The following RBPJ variants were observed in gnomAD, a reference collection of about 807,000 sequenced individuals.
RBPJ encodes recombination signal binding protein for immunoglobulin kappa J region, also known as recombining binding protein suppressor of hairless.
In RBPJ, 9 loss-of-function variants were observed where a neutral mutation model predicts 67.8. That is an observed-to-expected ratio of 0.13 (90% CI 0.08 to 0.23). RBPJ has a LOEUF of 0.23. RBPJ is among the 10% of genes least tolerant of loss of function. The probability of loss-of-function intolerance (pLI) is 1.00; values close to 1 mark genes in which losing one functional copy is unlikely to be tolerated. For synonymous variants in RBPJ, 198 were observed against 203.3 expected (o/e 0.97, Z 0.22); for missense variants, 305 against 595.6 (o/e 0.51, Z 5.08).
intron 1 of RBPJ, among the ~76,000 whole-genome samples, chr4:26,165,113 T>C (rs1371420083): frequency 6.6e-6 from 1 of 152,106 alleles, no homozygotes; most frequent in Non-Finnish European, 1.5e-5. Flanking sequence ...CTGCTCTTTA[T>C]TATGCAAAAA....
chr4:26,264,666 G>A lies in RBPJ; in HGVS notation c.-166-97780G>A, dbSNP rs529888536. The stretch of plus-strand genomic sequence containing the variant: ...TAGCCACACTGAAACACTGGCACTC[G>A]TCCCAAAAGCACCATGCCCTTGACC... On this transcript the variant is annotated intron_variant, in intron 1 of 4. Coordinates refer to the RBPJ transcript ENST00000512351. The surrounding 1 kb of genome is among the most constrained non-coding windows in gnomAD (Gnocchi z 4.1). 6.6e-6 allele frequency among the ~76,000 whole-genome samples: 1 copy of A among 152,020 alleles called. No homozygotes were observed. Among genetic ancestry groups the A allele is most frequent in the Non-Finnish European group, 1.5e-5 (1 of 67,992 alleles).
intron 2 of RBPJ, among the ~76,000 whole-genome samples, chr4:26,394,210 G>A (rs1355833707): frequency 6.6e-6 from 1 of 151,950 alleles, no homozygotes; most frequent in African/African-American, 2.4e-5. Context: ...TGTATTTTTA[G>A]TAGAGACGGG....
intron 1 of RBPJ, among the ~76,000 whole-genome samples, chr4:26,376,397 G>A (rs1577558077): frequency 6.6e-6 from 1 of 152,216 alleles, no homozygotes; most frequent in African/African-American, 2.4e-5. Flanking sequence ...TTTTGTGTTT[G>A]GCTTATTTCG....
the RBPJ span, among the ~76,000 whole-genome samples, chr4:26,156,656 T>C: frequency 7.7e-3 from 1,170 of 151,912 alleles, 20 homozygotes; most frequent in African/African-American, 0.026. Flanking sequence ...GGTTTCACTA[T>C]GTTGGCCAGG....
At chr4:26,116,196 A>C in the RBPJ span, among the ~76,000 whole-genome samples, 1 of 152,272 alleles carries the variant, frequency 6.6e-6, no homozygotes, top group African/African-American at 2.4e-5. Context: ...AGCAGCTAAC[A>C]GAGTGACTCA....
chr4:26,307,477 T>G (rs985246147), intron 1 of RBPJ, among the ~76,000 whole-genome samples: 4 of 152,234 alleles, frequency 2.6e-5, no homozygotes, highest in Admixed American at 1.3e-4. Flanking sequence ...ATCATGCAAA[T>G]ACAGATATAG....
upstream of RBPJ, among the ~76,000 whole-genome samples, chr4:26,320,381 C>T (rs577213422): frequency 2.0e-5 from 3 of 152,266 alleles, no homozygotes; most frequent in South Asian, 2.1e-4. Flanking sequence ...AGGGCCTCCT[C>T]ATTAGCATGG....
the RBPJ span, among the ~76,000 whole-genome samples, chr4:26,124,055 G>A: frequency 6.6e-6 from 1 of 151,992 alleles, no homozygotes; most frequent in South Asian, 2.1e-4. Flanking sequence ...GTATGTGCTA[G>A]ATTTTTTATT....
intron 1 of RBPJ, among the ~76,000 whole-genome samples, chr4:26,222,358 G>C (rs1255911285): frequency 6.6e-6 from 1 of 151,892 alleles, no homozygotes; most frequent in Non-Finnish European, 1.5e-5. Context: ...AGTTGGGCGT[G>C]GTGGCGGCCG....
intron 2 of RBPJ, among the ~76,000 whole-genome samples, chr4:26,401,436 A>T (rs1194758785): frequency 6.6e-6 from 1 of 152,362 alleles, no homozygotes; most frequent in South Asian, 2.1e-4. Flanking sequence ...CCTCAAGGTC[A>T]TTGGTTATGT....
At chr4:26,363,384 T>G (rs933805547) in intron 1 of RBPJ, among the ~76,000 whole-genome samples, 1 of 152,128 alleles carries the variant, frequency 6.6e-6, no homozygotes, top group African/African-American at 2.4e-5. Context: ...GTGATCCACC[T>G]GCTTCGGCCT....
rs61575988 is a variant in RBPJ at position 26,407,883 on chromosome 4, C to CTT, written c.155+1641_155+1642dup. ...TGAAAAGAGGGGTAAAGCTTTCTTT[C>CTT]TTTTTTTTTTTTTTTTTTTTTTTTT... On this transcript the variant is annotated intron_variant, in intron 3 of 10. Coordinates refer to ENST00000355476, the MANE Select transcript of RBPJ (RefSeq NM_015874.6). 6.8e-3 allele frequency among the ~76,000 whole-genome samples: 433 copies of CTT among 63,622 alleles called. 54 individuals are homozygous for CTT. Among genetic ancestry groups the CTT allele is most frequent in the African/African-American group, 0.026 (391 of 15,124 alleles). 41.7% of individuals were successfully genotyped at this position (63,622 alleles called of 152,430 possible). A position where few individuals can be genotyped will look rare whatever the true frequency, so the allele number is the denominator to read the frequency against.
At chr4:26,301,091 G>A (rs1278659415) in intron 1 of RBPJ, among the ~76,000 whole-genome samples, 1 of 152,152 alleles carries the variant, frequency 6.6e-6, no homozygotes, top group Non-Finnish European at 1.5e-5. Flanking sequence ...TTTGTGCCAG[G>A]CATTTTGCAA....
chr4:26,421,736 C>T (rs1190870505), intron 5 of RBPJ, among the ~76,000 whole-genome samples: 2 of 152,142 alleles, frequency 1.3e-5, no homozygotes, highest in Non-Finnish European at 2.9e-5. Context: ...TAATGTAAAT[C>T]TCATCCTATC....
At chr4:26,131,145 C>G in the RBPJ span, among the ~76,000 whole-genome samples, 3 of 152,168 alleles carry the variant, frequency 2.0e-5, no homozygotes, top group Non-Finnish European at 4.4e-5. Context: ...ATCGAGGCTC[C>G]CTGCGTTCTT....
rs756230443 is a variant in RBPJ, at chr4:26,430,132, G to T, written c.1044+79G>T. The T allele has an allele frequency of 2.7e-5, 40 of 1,491,762 alleles. No homozygotes were observed. The highest frequency in any genetic ancestry group is 3.4e-5 in the Non-Finnish European group (36 of 1,073,512). 92.4% of individuals were successfully genotyped at this position (1,491,762 alleles called of 1,614,324 possible). On this transcript the variant is annotated intron_variant, in intron 9 of 10. Transcript: ENST00000355476. The surrounding 1 kb of genome is among the most constrained non-coding windows in gnomAD (Gnocchi z 4.1). ...GTGACCTGGCATCATTTCATTTCAT[G>T]GGAGTTTTGATTTTTCTCCAATCGT...
In RBPJ at chr4:26,430,497, G is replaced by A; in HGVS notation, c.1123G>A (p.Asp375Asn). 4 of 1,607,268 alleles carry A rather than the reference G, an allele frequency of 2.5e-6. No individual in the cohort carries two copies. The highest frequency in any genetic ancestry group is 3.4e-6 in the Non-Finnish European group (4 of 1,178,078). Reference protein sequence around the residue: ...FTPNLRVWFGDVEAETMYRCG... With the variant: ...FTPNLRVWFGNVEAETMYRCG... The stretch of plus-strand genomic sequence containing the variant: ...TCCAAATTTACGAGTGTGGTTTGGG[G>A]ATGTAGAAGCTGAAACTATGTACAG... Residue 375 changes from aspartate to asparagine, a missense_variant, in exon 10 of 11, where the codon GAT (aspartate) becomes AAT (asparagine). Physicochemically the swap from Asp to Asn is conservative, Grantham distance 23. Transcript: ENST00000355476. This position sits in a 1 kb window ranked among gnomAD's most constrained non-coding sequence, Gnocchi z 4.1.
At chr4:26,366,864 G>T (rs373600896) in intron 1 of RBPJ, among the ~76,000 whole-genome samples, 9 of 152,178 alleles carry the variant, frequency 5.9e-5, no homozygotes, top group East Asian at 1.9e-4. Flanking sequence ...CGTGTTTCAC[G>T]CCTGTAATCC....
upstream of RBPJ, among the ~76,000 whole-genome samples, chr4:26,159,904 T>TC (rs1716045092): frequency 1.7e-5 from 2 of 116,436 alleles, no homozygotes; most frequent in Admixed American, 1.7e-4. Context: ...GGCAAGAAGC[T>TC]TTCTCTCTCT....
Sources: gnomAD v4.1 joint callset for allele counts (sites outside exome capture counted in the v4.1 genomes callset) on GRCh38, gnomAD v4.1.1 for gene constraint, Gnocchi (gnomAD v3.1) non-coding constraint, MANE v1.5 for transcripts, NCBI Gene and HGNC (gene_info 2026-07-23, HGNC 2026-07-21) for gene names.